The following TDP1 variants were observed in gnomAD, a reference collection of about 807,000 sequenced individuals.
TDP1 encodes tyr-DNA phosphodiesterase 1.
Under a neutral mutation model 81.5 loss-of-function variants are expected in TDP1, and 64 were observed. The ratio of observed to expected loss-of-function variants is 0.79; its 90% CI spans 0.64 to 0.97. The LOEUF is 0.97. Ranked by LOEUF, TDP1 falls within the 50% of genes least tolerant of loss-of-function variation. The pLI is 0.00. For synonymous variants in TDP1, 256 were observed against 264.3 expected (o/e 0.97, Z 0.30); for missense variants, 723 against 743.8 (o/e 0.97, Z 0.33).
At chr14:90,027,301 C>G (rs1424428497) in intron 15 of TDP1, among the ~76,000 whole-genome samples, 2 of 152,086 alleles carry the variant, frequency 1.3e-5, no homozygotes, top group South Asian at 2.1e-4. Flanking sequence ...CCTTCCCTCC[C>G]TGTTTTCCCC....
chr14:89,996,544 C>T (rs1596588569), intron 14 of TDP1, among the ~76,000 whole-genome samples: 1 of 152,334 alleles, frequency 6.6e-6, no homozygotes, highest in East Asian at 1.9e-4. Flanking sequence ...ATCCGTGTGC[C>T]ACCAGTGGAG....
intron 13 of TDP1, chr14:89,993,121 G>A: frequency 1.0e-6 from 1 of 979,234 alleles, no homozygotes; most frequent in Non-Finnish European, 1.2e-6. Flanking sequence ...ATGCATGTAT[G>A]TATGTTCATG....
intron 16 of TDP1, among the ~76,000 whole-genome samples, chr14:90,041,118 T>C (rs984304229): frequency 6.6e-5 from 10 of 152,228 alleles, no homozygotes; most frequent in African/African-American, 2.2e-4. Context: ...TGGGTGTCAT[T>C]GGCCTTGGGA....
At chr14:89,984,015 A>G (rs1300612802) in intron 8 of TDP1, 9 of 632,692 alleles carry the variant, frequency 1.4e-5, no homozygotes, top group Non-Finnish European at 1.8e-5. Context: ...TTGAAAATAG[A>G]TTTTTCACAT....
chr14:89,965,550 C>T (rs1892843515), intron 3 of TDP1, among the ~76,000 whole-genome samples: 1 of 152,140 alleles, frequency 6.6e-6, no homozygotes, highest in Non-Finnish European at 1.5e-5. Flanking sequence ...TACTTGCTCT[C>T]GTGGTATGGT....
intron 16 of TDP1, chr14:90,033,435 T>C: frequency 1.6e-6 from 1 of 606,110 alleles, no homozygotes. Flanking sequence ...CCTTCCTGAC[T>C]TACACTGGGG....
At chr14:89,976,554 T>TTTTTTTTTTTTTTTTTTTTTG (rs1566862561) in intron 7 of TDP1, among the ~76,000 whole-genome samples, 2 of 141,846 alleles carry the variant, frequency 1.4e-5, no homozygotes, top group African/African-American at 5.4e-5. Context: ...TTTTTTTTTT[T>TTTTTTTTTTTTTTTTTTTTTG]TAGACAGAGT....
intron 6 of TDP1, among the ~76,000 whole-genome samples, chr14:89,974,448 A>G (rs1263306927): frequency 1.3e-5 from 2 of 152,236 alleles, no homozygotes; most frequent in Non-Finnish European, 2.9e-5. Context: ...TTCTGTGGCC[A>G]GAATGCACAG....
At chr14:89,972,883 A>T (rs917533824) in intron 6 of TDP1, among the ~76,000 whole-genome samples, 1 of 152,228 alleles carries the variant, frequency 6.6e-6, no homozygotes, top group Non-Finnish European at 1.5e-5. Flanking sequence ...CTCTGCAAGT[A>T]CAGAGACAGA....
chr14:90,039,554 TG>T (rs1314068187), intron 16 of TDP1, among the ~76,000 whole-genome samples: 7 of 151,892 alleles, frequency 4.6e-5, no homozygotes, highest in Non-Finnish European at 7.4e-5. Flanking sequence ...TGTTCGGGCA[TG>T]GGGGTGAGAG....
intron 5 of TDP1, among the ~76,000 whole-genome samples, chr14:89,968,892 G>C (rs1405937685): frequency 6.6e-6 from 1 of 152,230 alleles, no homozygotes; most frequent in Non-Finnish European, 1.5e-5. Flanking sequence ...CTCAGAATGT[G>C]ATCTTATTTG....
chr14:90,039,150 C>G lies in TDP1; in HGVS notation c.1754-3920C>G, dbSNP rs552877527. Among the ~76,000 whole-genome samples the G allele has an allele frequency of 1.1e-4, 17 of 152,276 alleles. No individual in the cohort carries two copies. The South Asian group carries it at 3.5e-3, about 32-fold the overall frequency. On this transcript the variant is annotated intron_variant, in intron 16 of 16. Coordinates refer to ENST00000335725, the MANE Select transcript of TDP1 (RefSeq NM_018319.4). Reference sequence around the variant, plus strand: ...TTATCCTCACACCAGTAAGATGGTTCTATTCTGCTGTATATAGTCACAGAT... The same window carrying G: ...TTATCCTCACACCAGTAAGATGGTTGTATTCTGCTGTATATAGTCACAGAT...
intron 14 of TDP1, among the ~76,000 whole-genome samples, chr14:90,014,846 G>T (rs1386908872): frequency 6.6e-6 from 1 of 152,146 alleles, no homozygotes; most frequent in Non-Finnish European, 1.5e-5. Context: ...CAAAGTTCAG[G>T]TTTTGAAAGA....
intron 3 of TDP1, 120 bp from the exon 4 acceptor site, chr14:89,966,027 T>C (rs555067459): frequency 1.0e-6 from 1 of 978,616 alleles, no homozygotes; most frequent in Non-Finnish European, 1.6e-6. Context: ...AGTAACTGTT[T>C]AGCTTACTGT....
At chr14:89,977,009 C>T (rs992603193) in intron 7 of TDP1, among the ~76,000 whole-genome samples, 2 of 151,986 alleles carry the variant, frequency 1.3e-5, no homozygotes, top group Non-Finnish European at 1.5e-5. Context: ...TAAAAATTAG[C>T]CGGGCAGTAG....
rs759715875 is a variant in TDP1, at chr14:90,019,330, A to G, written c.1556A>G (p.Lys519Arg). The G allele has an allele frequency of 1.2e-6, 2 of 1,610,864 alleles. No individual in the cohort carries two copies. Among genetic ancestry groups the G allele is most frequent in the Non-Finnish European group, 1.7e-6 (2 of 1,177,270 alleles). Reference sequence around the variant, plus strand: ...TGTCTCTGCAGCGCAAATCTGTCCAAGGCTGCCTGGGGAGCATTGGAGAAG... The same window carrying G: ...TGTCTCTGCAGCGCAAATCTGTCCAGGGCTGCCTGGGGAGCATTGGAGAAG... Reference protein sequence around the residue: ...WFLVTSANLSKAAWGALEKNG... With the variant: ...WFLVTSANLSRAAWGALEKNG... The change falls in exon 15 of 17, where the codon AAG becomes AGG. Residue 519 changes from lysine to arginine, a missense_variant. Lys to Arg is a conservative substitution (Grantham distance 26). Coordinates refer to ENST00000335725, the MANE Select transcript of TDP1 (RefSeq NM_018319.4).
intron 7 of TDP1, among the ~76,000 whole-genome samples, chr14:89,977,536 G>A (rs1014161749): frequency 3.3e-5 from 5 of 152,304 alleles, no homozygotes; most frequent in African/African-American, 1.2e-4. Flanking sequence ...GACCTCAGGT[G>A]ATCCACCCGC....
intron 16 of TDP1, among the ~76,000 whole-genome samples, chr14:90,040,945 A>G (rs1888295250): frequency 6.6e-6 from 1 of 152,250 alleles, no homozygotes; most frequent in African/African-American, 2.4e-5. Context: ...GGAATTTGCC[A>G]ACAGAGTGGT....
rs187292781 is a variant in TDP1, at chr14:90,020,188, T to G, written c.1644+770T>G. 1.5e-3 allele frequency among the ~76,000 whole-genome samples: 228 copies of G among 152,252 alleles called. 1 individual carries two copies. Among genetic ancestry groups the G allele is most frequent in the African/African-American group, 5.2e-3 (215 of 41,554 alleles). ...GGGGTGTACAAGCCATCTGTTTCTCTAAATGCTAGAATCACGCTTGACCCA... is the reference window on the plus strand; with the variant it reads ...GGGGTGTACAAGCCATCTGTTTCTCGAAATGCTAGAATCACGCTTGACCCA... On this transcript the variant is annotated intron_variant, in intron 15 of 16. Coordinates refer to ENST00000335725, the MANE Select transcript of TDP1 (RefSeq NM_018319.4).
Sources: allele counts gnomAD v4.1 joint callset (sites outside exome capture counted in the v4.1 genomes callset), GRCh38; gene constraint gnomAD v4.1.1; transcripts MANE v1.5; gene names NCBI Gene and HGNC (gene_info 2026-07-23, HGNC 2026-07-21).